The following BPIFC variants were observed in gnomAD, a reference collection of about 807,000 sequenced individuals.
BPIFC encodes BPI fold-containing family C protein.
A neutral mutation model predicts 57.6 loss-of-function variants in BPIFC; 60 were observed. The observed-to-expected ratio is 1.04, with a 90% CI of 0.85 to 1.29. The LOEUF is 1.29. Ranked by LOEUF, BPIFC falls within the 50% of genes most tolerant of loss-of-function variation. BPIFC has a pLI of 0.00. For missense variants in BPIFC, 581 were observed against 600.5 expected (o/e 0.97, Z 0.34); for synonymous variants, 243 against 224.5 (o/e 1.08, Z -0.74).
intron 2 of BPIFC, among the ~76,000 whole-genome samples, chr22:32,460,776 G>A (rs1000897198): frequency 3.3e-5 from 5 of 152,060 alleles, no homozygotes; most frequent in Non-Finnish European, 4.4e-5. Flanking sequence ...TTATTCATGC[G>A]TGTATGTTTC....
In BPIFC at chr22:32,424,600, T is replaced by TCTTCTTCTTCTTCTTCTC. The variant is rs1223346653; in HGVS notation, c.1218-5197_1218-5196insGAGAAGAAGAAGAAGAAG. On this transcript the variant is annotated intron_variant, in intron 13 of 16. Transcript: ENST00000300399. The stretch of plus-strand genomic sequence containing the variant: ...TTCTTCTTCTTCTTCTTCTTCTTCT[T>TCTTCTTCTTCTTCTTCTC]CTCCTCCTCCTCCTCCTCCTCCTCC... Among the ~76,000 whole-genome samples, 34 of 78,602 alleles carry TCTTCTTCTTCTTCTTCTC rather than the reference T, an allele frequency of 4.3e-4. 8 individuals carry two copies. The highest frequency in any genetic ancestry group is 1.8e-3 in the African/African-American group (22 of 12,066). 51.6% of individuals were successfully genotyped at this position (78,602 alleles called of 152,430 possible).
chr22:32,447,426 C>T (rs1294874472), intron 4 of BPIFC, 86 bp from the exon 5 acceptor site: 1 of 1,492,504 alleles, frequency 6.7e-7, no homozygotes, highest in Non-Finnish European at 9.0e-7. Context: ...TTGCAGAGCT[C>T]TTACCATTGA....
chr22:32,422,855 A>G (rs1028901900), intron 13 of BPIFC, among the ~76,000 whole-genome samples: 2 of 152,154 alleles, frequency 1.3e-5, no homozygotes, highest in African/African-American at 2.4e-5. Flanking sequence ...AAGACTCTGT[A>G]CACATCTCTA....
At chr22:32,418,749 C>T (rs148892826) in intron 14 of BPIFC, among the ~76,000 whole-genome samples, 8 of 152,162 alleles carry the variant, frequency 5.3e-5, no homozygotes, top group African/African-American at 1.4e-4. Context: ...ATTCTGACAC[C>T]GAAACCCACT....
rs1935169399 is a variant in BPIFC, at chr22:32,461,987, C to T, written c.-88-326G>A. Among the ~76,000 whole-genome samples, 4 of 151,750 alleles carry T rather than the reference C, an allele frequency of 2.6e-5. No individual in the cohort carries two copies. In the South Asian group the frequency reaches 8.3e-4, roughly 32 times the overall value. ...AAGAGATCAAGGCCATCCTGGCTAA[C>T]ATGGTGAAACTGTCTCTACTAAAAA... On this transcript the variant is annotated intron_variant, in intron 1 of 16. Transcript: ENST00000300399.
chr22:32,462,273 G>A (rs1353269353), intron 1 of BPIFC, among the ~76,000 whole-genome samples: 3 of 148,438 alleles, frequency 2.0e-5, no homozygotes, highest in Admixed American at 1.3e-4. Flanking sequence ...AGACCAAAAT[G>A]TCTGTACCTA....
Position 32,459,807 on chromosome 22 carries a change from T to A in BPIFC, c.-1+1767A>T, listed in dbSNP as rs1000614540. 7.2e-5 allele frequency among the ~76,000 whole-genome samples: 11 copies of A among 152,140 alleles called. No individual in the cohort carries two copies. In the East Asian group the frequency reaches 1.2e-3, roughly 16 times the overall value. ...TGGAGGCTGCAGTGAGCTGTGATCA[T>A]GCCACTGCACTCCAGCTTGGGCAAC... On this transcript the variant is annotated intron_variant, in intron 2 of 16. Transcript: ENST00000300399.
chr22:32,432,516 G>C lies in BPIFC; in HGVS notation c.1006C>G (p.Pro336Ala). 3.7e-6 allele frequency: 6 copies of C among 1,614,128 alleles called. No individual in the cohort carries two copies. Among genetic ancestry groups the C allele is most frequent in the Non-Finnish European group, 5.1e-6 (6 of 1,180,020 alleles). ...RIAEIYILSQ[P>A]FMVRIMATEP... ...GTGGCCATGATCCTCACCATGAAGG[G>C]CTGGGACAAGATGTAGATCTCTGCA... is the stretch of plus-strand genomic sequence containing the variant. The change falls in exon 12 of 17, where the codon CCC becomes GCC. Residue 336 changes from proline (P) to alanine (A), a missense_variant. Coordinates refer to ENST00000300399, the MANE Select transcript of BPIFC (RefSeq NM_174932.3).
At chr22:32,438,837 A>C (rs1934483916) in intron 8 of BPIFC, among the ~76,000 whole-genome samples, 2 of 151,952 alleles carry the variant, frequency 1.3e-5, no homozygotes, top group Admixed American at 1.3e-4. Flanking sequence ...TTTAACAAGG[A>C]GTATGCTTTA....
At chr22:32,440,643 T>C (rs779856731) in intron 8 of BPIFC, among the ~76,000 whole-genome samples, 3 of 152,198 alleles carry the variant, frequency 2.0e-5, no homozygotes, top group Non-Finnish European at 2.9e-5. Context: ...CTTTCCCATC[T>C]CAATAAATGC....
chr22:32,432,352 C>T, intron 12 of BPIFC, 21 bp downstream of exon 12: 9 of 1,612,940 alleles, frequency 5.6e-6, no homozygotes, highest in Non-Finnish European at 7.6e-6. Context: ...ACAGGCTGCT[C>T]CACTGTCTCC....
intron 7 of BPIFC, among the ~76,000 whole-genome samples, chr22:32,445,221 T>G (rs1934682866): frequency 6.6e-6 from 1 of 152,180 alleles, no homozygotes; most frequent in African/African-American, 2.4e-5. Context: ...AGATGCTCAA[T>G]AAAGGTTTCT....
intron 13 of BPIFC, among the ~76,000 whole-genome samples, chr22:32,429,916 C>T (rs914961462): frequency 2.6e-5 from 4 of 152,174 alleles, no homozygotes; most frequent in African/African-American, 9.6e-5. Flanking sequence ...ACTCTGCTTA[C>T]GTCTGTTTCA....
chr22:32,416,996 G>T lies in BPIFC; in HGVS notation c.1324+89C>A, dbSNP rs868797467. On this transcript the variant is annotated intron_variant, in intron 15 of 16. Transcript: ENST00000300399. ...TGATAGAAGTACAAGCTTCAGGGTGGAAAGTCCCAAACAATCCCCAGTGCA... is the reference window on the plus strand; with the variant it reads ...TGATAGAAGTACAAGCTTCAGGGTGTAAAGTCCCAAACAATCCCCAGTGCA... 8.6e-6 allele frequency: 10 copies of T among 1,156,096 alleles called. No individual in the cohort carries two copies. In the African/African-American group the frequency reaches 1.1e-4, roughly 12 times the overall value. 71.6% of individuals were successfully genotyped at this position (1,156,096 alleles called of 1,614,324 possible).
intron 4 of BPIFC, among the ~76,000 whole-genome samples, chr22:32,449,113 T>C (rs1934815868): frequency 6.6e-6 from 1 of 152,142 alleles, no homozygotes; most frequent in Admixed American, 6.5e-5. Flanking sequence ...GTGGCTGAAG[T>C]CATATATAAG....
intron 12 of BPIFC, 28 bp from the exon 13 acceptor site, chr22:32,431,442 A>ATTTATTTATTTATTTTTTTTTTTTTTTG: frequency 8.2e-7 from 1 of 1,217,746 alleles, no homozygotes; most frequent in Non-Finnish European, 1.2e-6. Context: ...ATTTATTATT[A>ATTTATTTATTTATTTTTTTTTTTTTTTG]AGACGAGTGA....
intron 13 of BPIFC, among the ~76,000 whole-genome samples, chr22:32,428,249 ACGTGTGTGTGTGTGTGTGTGCGCGCG>A (rs931276758): frequency 1.2e-3 from 150 of 126,572 alleles, no homozygotes; most frequent in Non-Finnish European, 3.8e-4. Flanking sequence ...ATACATTAAA[ACGTGTGTGTGTGTGTGTGTGCGCGCG>A]CGTGTGTGTG....
intron 16 of BPIFC, among the ~76,000 whole-genome samples, chr22:32,415,194 C>T (rs978298447): frequency 2.0e-5 from 3 of 152,156 alleles, no homozygotes; most frequent in African/African-American, 7.2e-5. Flanking sequence ...AATGTTGCTG[C>T]TGATCTGGTA....
chr22:32,445,860 A>C lies in BPIFC; in HGVS notation c.511T>G (p.Ser171Ala). ...CYAQLSHAHV[S>A]FSGELSVLYN... ...ATTCACCTGAGTTCTCCGGAAAATG[A>C]GACGTGGGCATGGCTCAGTTGGGCG... The change falls in exon 6 of 17, where the codon TCA (serine) becomes GCA (alanine). Residue 171 changes from serine (S) to alanine (A), a missense_variant. Physicochemically the swap from Ser to Ala is moderately conservative, Grantham distance 99. Transcript: ENST00000300399. The C allele has an allele frequency of 6.2e-7, 1 of 1,614,068 alleles. No individual in the cohort carries two copies. Among genetic ancestry groups the C allele is most frequent in the Non-Finnish European group, 8.5e-7 (1 of 1,180,030 alleles).
Sources: gnomAD v4.1 joint callset for allele counts (sites outside exome capture counted in the v4.1 genomes callset) on GRCh38, gnomAD v4.1.1 for gene constraint, MANE v1.5 for transcripts, NCBI Gene and HGNC (gene_info 2026-07-23, HGNC 2026-07-21) for gene names.